The following SLC2A9 variants were observed in gnomAD, a reference collection of about 807,000 sequenced individuals.
The protein encoded by SLC2A9 is solute carrier family 2, facilitated glucose transporter member 9.
Under a neutral mutation model 50.6 loss-of-function variants are expected in SLC2A9, and 39 were observed. The ratio of observed to expected loss-of-function variants is 0.77; its 90% CI spans 0.60 to 1.01. SLC2A9 has a LOEUF of 1.01. Among genes scored for constraint, SLC2A9 ranks in the 50% least tolerant of loss-of-function variants. The pLI is 0.00. For missense variants in SLC2A9, 686 were observed against 677.6 expected, an observed-to-expected ratio of 1.01 and a Z score of -0.14; for synonymous variants, 324 against 276.9, an observed-to-expected ratio of 1.17 and a Z score of -1.69.
Position 9,862,695 on chromosome 4 carries a change from G to A in SLC2A9, c.1291+24872C>T, listed in dbSNP as rs564761513. ...CTCAGACCCAAGTCCTGCCTGCAGC[G>A]CTAGCTTCTCACGGAGGCCCTTCCT... On this transcript the variant is annotated intron_variant, in intron 10 of 11. Transcript: ENST00000264784. 1.4e-4 allele frequency among the ~76,000 whole-genome samples: 21 copies of A among 152,000 alleles called. No homozygotes were observed. In the East Asian group the frequency reaches 1.7e-3, roughly 13 times the overall value.
chr4:9,831,087 G>A (rs1232182982), intron 11 of SLC2A9, among the ~76,000 whole-genome samples: 1 of 152,186 alleles, frequency 6.6e-6, no homozygotes, highest in Non-Finnish European at 1.5e-5. Flanking sequence ...TTCTGAGGAA[G>A]AAGCCCAGGC....
chr4:9,892,775 C>T lies in SLC2A9; in HGVS notation c.1114-2064G>A, dbSNP rs746406424. Among the ~76,000 whole-genome samples the T allele has an allele frequency of 3.3e-5, 5 of 152,160 alleles. No homozygotes were observed. In the East Asian group the frequency reaches 7.7e-4, roughly 23 times the overall value. On this transcript the variant is annotated intron_variant, in intron 8 of 11. Coordinates refer to ENST00000264784, the MANE Select transcript of SLC2A9 (RefSeq NM_020041.3). ...TGGGGATCTGGTCCCAACTCTTACC[C>T]GTAGCTGGCTGTGTGGCCTTGAACA...
At chr4:10,029,592 A>ATTT (rs33987363) in intron 1 of SLC2A9, among the ~76,000 whole-genome samples, 82,311 of 127,892 alleles carry the variant, frequency 0.64, 23,965 homozygotes, top group African/African-American at 0.66. Context: ...ATTTTATTTT[A>ATTT]TATTATTTTA....
chr4:9,796,316 C>T (rs1455032799), downstream of SLC2A9, among the ~76,000 whole-genome samples: 4 of 152,194 alleles, frequency 2.6e-5, no homozygotes, highest in Non-Finnish European at 5.9e-5. Context: ...CCAATTCATT[C>T]CCATCTCCAC....
At chr4:9,907,761 C>T (rs961586304) in intron 8 of SLC2A9, among the ~76,000 whole-genome samples, 1 of 152,088 alleles carries the variant, frequency 6.6e-6, no homozygotes, top group African/African-American at 2.4e-5. Flanking sequence ...AGGAAGATGA[C>T]AGGGAAGCAA....
At chr4:10,006,165 AC>A (rs1760745260) in intron 2 of SLC2A9, among the ~76,000 whole-genome samples, 1 of 152,184 alleles carries the variant, frequency 6.6e-6, no homozygotes, top group African/African-American at 2.4e-5. Context: ...GAACCTGGGG[AC>A]CAAGCCTCTG....
At chr4:9,877,220 A>G (rs1007328485) in intron 10 of SLC2A9, among the ~76,000 whole-genome samples, 3 of 152,110 alleles carry the variant, frequency 2.0e-5, no homozygotes, top group African/African-American at 7.2e-5. Flanking sequence ...TTCATCTATT[A>G]TTTGTTCATT....
chr4:9,974,333 G>A (rs1352618359), intron 5 of SLC2A9, among the ~76,000 whole-genome samples: 1 of 152,162 alleles, frequency 6.6e-6, no homozygotes, highest in African/African-American at 2.4e-5. Flanking sequence ...AGGAAAAGAA[G>A]TCAAACTATC....
chr4:9,870,409 A>G (rs914082084), intron 10 of SLC2A9, among the ~76,000 whole-genome samples: 2 of 152,206 alleles, frequency 1.3e-5, no homozygotes, highest in South Asian at 4.1e-4. Flanking sequence ...TATGAGCCTG[A>G]CAGGTGTCAC....
chr4:9,771,324 C>G, exon 2 of SLC2A9: 1 of 391,350 alleles, frequency 2.6e-6, no homozygotes, highest in Non-Finnish European at 4.5e-6. Context: ...ACTCAGGTAT[C>G]CAGGCACATT....
At chr4:9,955,308 C>A (rs1158737560) in intron 5 of SLC2A9, among the ~76,000 whole-genome samples, 2 of 55,386 alleles carry the variant, frequency 3.6e-5, no homozygotes, top group African/African-American at 1.4e-4. Context: ...CTGGCTAACA[C>A]GGTGAAACCC....
upstream of SLC2A9, among the ~76,000 whole-genome samples, chr4:10,023,141 G>A (rs757994767): frequency 5.9e-5 from 9 of 152,330 alleles, no homozygotes; most frequent in Non-Finnish European, 7.4e-5. Context: ...TGGAGACCCC[G>A]CTGGAAGAGG....
At chr4:9,838,319 C>G (rs1250810764) in intron 10 of SLC2A9, among the ~76,000 whole-genome samples, 5 of 152,098 alleles carry the variant, frequency 3.3e-5, no homozygotes, top group African/African-American at 9.7e-5. Flanking sequence ...TTTACAAGGT[C>G]TCTACAAGGA....
At chr4:9,855,534 T>C (rs1730596879) in intron 10 of SLC2A9, among the ~76,000 whole-genome samples, 1 of 108,974 alleles carries the variant, frequency 9.2e-6, no homozygotes, top group Admixed American at 7.9e-5. Context: ...AAAATGGTCA[T>C]AGTGCCCAAA....
At chr4:9,850,881 A>G (rs1729785987) in intron 10 of SLC2A9, among the ~76,000 whole-genome samples, 1 of 152,118 alleles carries the variant, frequency 6.6e-6, no homozygotes, top group African/African-American at 2.4e-5. Flanking sequence ...TGCCACTGCC[A>G]GCATGAATGC....
At chr4:9,851,289 C>T (rs116859645) in intron 10 of SLC2A9, among the ~76,000 whole-genome samples, 106 of 152,304 alleles carry the variant, frequency 7.0e-4, no homozygotes, top group East Asian at 6.4e-3. Flanking sequence ...AGAGCCAGAG[C>T]ATGAAACCCA....
At chr4:9,940,278 A>G (rs1002612230) in intron 6 of SLC2A9, among the ~76,000 whole-genome samples, 2 of 152,146 alleles carry the variant, frequency 1.3e-5, no homozygotes. Flanking sequence ...AACCATCTGA[A>G]CCAAACTTTT....
At chr4:10,038,438 T>C (rs933016435) in intron 1 of SLC2A9, among the ~76,000 whole-genome samples, 3 of 132,028 alleles carry the variant, frequency 2.3e-5, no homozygotes, top group Non-Finnish European at 4.6e-5. Flanking sequence ...ACCCAGGAGA[T>C]GGAAGTTGCA....
chr4:9,904,488 C>T (rs184214377), intron 8 of SLC2A9, among the ~76,000 whole-genome samples: 210 of 152,318 alleles, frequency 1.4e-3, no homozygotes, highest in African/African-American at 5.0e-3. Flanking sequence ...TTGGGCTCAC[C>T]TGGGTAATCC....
Sources: gnomAD v4.1 joint callset for allele counts (sites outside exome capture counted in the v4.1 genomes callset) on GRCh38, gnomAD v4.1.1 for gene constraint, MANE v1.5 for transcripts, NCBI Gene and HGNC (gene_info 2026-07-23, HGNC 2026-07-21) for gene names.